Variants in GSTA3 observed in about 807,000 individuals in gnomAD.
The protein encoded by GSTA3 is glutathione S-transferase A3.
A neutral mutation model predicts 23.1 loss-of-function variants in GSTA3; 16 were observed. The observed-to-expected ratio is 0.69, with a 90% CI of 0.47 to 1.05. The LOEUF (loss-of-function observed/expected upper bound fraction) is 1.05. GSTA3 is among the 50% of genes least tolerant of loss of function. The probability of loss-of-function intolerance (pLI) is 0.00; values close to 1 mark genes in which losing one functional copy is unlikely to be tolerated. For missense variants in GSTA3, 319 were observed against 263.6 expected, an observed-to-expected ratio of 1.21 and a Z score of -1.46; for synonymous variants, 122 against 91.0, an observed-to-expected ratio of 1.34 and a Z score of -1.94.
At chr6:52,906,213 C>T (rs1372826985) in intron 1 of GSTA3, among the ~76,000 whole-genome samples, 1 of 152,172 alleles carries the variant, frequency 6.6e-6, no homozygotes, top group African/African-American at 2.4e-5. Context: ...CTCAAGAGTT[C>T]CCAAATTATT....
At chr6:52,903,847 C>A in intron 2 of GSTA3, 120 bp from the exon 3 acceptor site, 1 of 654,530 alleles carries the variant, frequency 1.5e-6, no homozygotes, top group East Asian at 2.8e-5. Context: ...CTGAGTTTGG[C>A]AGGGGACACA....
At chr6:52,897,100 T>C (rs2295605) in intron 6 of GSTA3, among the ~76,000 whole-genome samples, 172 bp from the exon 7 acceptor site, 28,191 of 152,210 alleles carry the variant, frequency 0.19, 3,439 homozygotes, top group Non-Finnish European at 0.26. Flanking sequence ...AGGAAGAACA[T>C]GTAGCTCACT....
intron 5 of GSTA3, among the ~76,000 whole-genome samples, chr6:52,898,759 A>T (rs945226938): frequency 3.3e-5 from 5 of 152,220 alleles, no homozygotes; most frequent in Non-Finnish European, 7.3e-5. Context: ...GTACTTCTAT[A>T]TAGAAGGGTG....
chr6:52,901,263 A>C (rs1268480524), intron 4 of GSTA3, among the ~76,000 whole-genome samples: 1 of 152,184 alleles, frequency 6.6e-6, no homozygotes, highest in Non-Finnish European at 1.5e-5. Flanking sequence ...ATCTGTACCC[A>C]TTGAGTATTC....
intron 1 of GSTA3, among the ~76,000 whole-genome samples, chr6:52,906,523 G>A (rs1180763849): frequency 6.6e-6 from 1 of 152,162 alleles, no homozygotes; most frequent in South Asian, 2.1e-4. Context: ...TAAGCCAAAA[G>A]AACAAAGCTG....
In GSTA3 at chr6:52,902,465, C is replaced by T. The variant is rs960603701; in HGVS notation, c.153G>A (p.Met51Ile). ...TCTCAACCATTGGTACTTGCTGGAACATCAAACTCCCATCTTTAGAAAGAA... is the reference window on the plus strand; with the variant it reads ...TCTCAACCATTGGTACTTGCTGGAATATCAAACTCCCATCTTTAGAAAGAA... ...LGKLRNDGSL[M>I]FQQVPMVEID... Residue 51 changes from methionine (M) to isoleucine (I), a missense_variant, in exon 4 of 7, where the codon ATG (methionine) becomes ATA (isoleucine). Coordinates refer to ENST00000211122, the MANE Select transcript of GSTA3 (RefSeq NM_000847.5). The T allele has an allele frequency of 5.0e-6, 8 of 1,609,166 alleles. No homozygotes were observed. The African/African-American group carries it at 9.4e-5, about 19-fold the overall frequency.
chr6:52,902,335 A>C lies in GSTA3; in HGVS notation c.272+11T>G. On this transcript the variant is annotated intron_variant, in intron 4 of 6. Transcript: ENST00000211122. ...TTCTCTGTGGATGGAAGAACACAAAATATACCGTACAGGGCTCTCTCCTTT... is the reference window on the plus strand; with the variant it reads ...TTCTCTGTGGATGGAAGAACACAAACTATACCGTACAGGGCTCTCTCCTTT... 1 of 1,612,570 alleles carries C rather than the reference A, an allele frequency of 6.2e-7. No individual in the cohort carries two copies. Among genetic ancestry groups the C allele is most frequent in the East Asian group, 2.2e-5 (1 of 44,874 alleles).
At position 52,897,833 on chromosome 6, in the gene GSTA3, G is replaced by A; in HGVS notation, c.538C>T (p.Leu180=). Residue 180 remains leucine (L), a synonymous_variant, in exon 6 of 7, where the codon CTG becomes TTG. Transcript: ENST00000211122. ...LDSSLISNFP[L]LKALKTRISN... ...GCTGTGAAATGGGTCACCTTCAGCA[G>A]AGGGAAGTTGGAGATAAGGCTGGAG... The A allele has an allele frequency of 6.2e-7, 1 of 1,613,714 alleles. No individual in the cohort carries two copies. Among genetic ancestry groups the A allele is most frequent in the Middle Eastern group, 1.7e-4 (1 of 6,060 alleles).
chr6:52,901,618 G>A (rs1490753368), intron 4 of GSTA3, among the ~76,000 whole-genome samples: 2 of 152,234 alleles, frequency 1.3e-5, no homozygotes, highest in African/African-American at 2.4e-5. Flanking sequence ...TGGTGTGGAA[G>A]TATTTTGATT....
rs1000948717 is a variant in GSTA3 at position 52,897,942 on chromosome 6, A to G, written c.429T>C (p.His143=). The G allele has an allele frequency of 4.3e-6, 7 of 1,613,924 alleles. No individual in the cohort carries two copies. The highest frequency in any genetic ancestry group is 5.1e-6 in the Non-Finnish European group (6 of 1,179,940). The part of the protein sequence containing the change: ...FPAFEKVLQS[H]GQDYLVGNKL... ...TGTTGCCAACAAGGTAGTCTTGTCC[A>G]TGGCTCTGTAACACCTGGAGAATTT... Residue 143 remains histidine (H), a synonymous_variant, in exon 6 of 7, where the codon CAT becomes CAC. Transcript: ENST00000211122.
rs558123985 is a variant in GSTA3, at chr6:52,896,967, G to T, written c.547-39C>A. On this transcript the variant is annotated intron_variant, in intron 6 of 6. Transcript: ENST00000211122. The stretch of plus-strand genomic sequence containing the variant: ...AGCACAGCCTCAGAGTGAAGCCAAG[G>T]TCTGCCACCACCATTAATACCACCC... 5.6e-6 allele frequency: 9 copies of T among 1,611,706 alleles called. No individual in the cohort carries two copies. In the South Asian group the frequency reaches 7.7e-5, roughly 14 times the overall value.
Position 52,896,731 on chromosome 6 carries a change from T to C in GSTA3, c.*75A>G. The stretch of plus-strand genomic sequence containing the variant: ...GCTTTACAACAGGCACAATCAACAC[T>C]TAAGTAAAGCACTTCATTGTTGCAA... On this transcript the variant is annotated 3_prime_UTR_variant, in exon 7 of 7. Coordinates refer to ENST00000211122, the MANE Select transcript of GSTA3 (RefSeq NM_000847.5). 1 of 1,556,374 alleles carries C rather than the reference T, an allele frequency of 6.4e-7. No homozygotes were observed. Among genetic ancestry groups the C allele is most frequent in the South Asian group, 1.1e-5 (1 of 87,886 alleles).
intron 1 of GSTA3, among the ~76,000 whole-genome samples, chr6:52,909,307 A>G (rs1478488100): frequency 6.6e-6 from 1 of 152,224 alleles, no homozygotes; most frequent in African/African-American, 2.4e-5. Context: ...AATCACACGA[A>G]TACATGTTTT....
intron 3 of GSTA3, among the ~76,000 whole-genome samples, chr6:52,903,335 C>T (rs899901795): frequency 6.6e-6 from 1 of 151,914 alleles, no homozygotes; most frequent in African/African-American, 2.4e-5. Context: ...CACCTGTAAT[C>T]CCAGCACTTT....
chr6:52,905,926 A>G (rs930033194), intron 1 of GSTA3, 71 bp from the exon 2 acceptor site: 5 of 694,110 alleles, frequency 7.2e-6, no homozygotes, highest in African/African-American at 1.8e-5. Flanking sequence ...ACGCTAGTAT[A>G]TGAATGGTTG....
Position 52,902,342 on chromosome 6 carries a change from G to C in GSTA3, c.272+4C>G. 1 of 1,613,422 alleles carries C rather than the reference G, an allele frequency of 6.2e-7. No individual in the cohort carries two copies. The highest frequency in any genetic ancestry group is 8.5e-7 in the Non-Finnish European group (1 of 1,179,640). On this transcript the variant is annotated splice_donor_region_variant and intron_variant, in intron 4 of 6. Transcript: ENST00000211122. ...TGGATGGAAGAACACAAAATATACC[G>C]TACAGGGCTCTCTCCTTTATGTCTT...
intron 6 of GSTA3, among the ~76,000 whole-genome samples, chr6:52,897,623 AG>A (rs566397158): frequency 2.0e-4 from 30 of 152,312 alleles, no homozygotes; most frequent in Non-Finnish European, 4.0e-4. Context: ...TTCATGGGGT[AG>A]CATGACCACA....
At chr6:52,905,214 C>G (rs1371340563) in intron 2 of GSTA3, among the ~76,000 whole-genome samples, 1 of 152,164 alleles carries the variant, frequency 6.6e-6, no homozygotes, top group Non-Finnish European at 1.5e-5. Context: ...GCAGTAATCA[C>G]CAACCCAAGC....
At chr6:52,897,293 G>A (rs1193712848) in intron 6 of GSTA3, among the ~76,000 whole-genome samples, 1 of 152,230 alleles carries the variant, frequency 6.6e-6, no homozygotes, top group African/African-American at 2.4e-5. Flanking sequence ...GAGTTGGAAA[G>A]GAAAATGTTA....
Sources: gnomAD v4.1 joint callset for allele counts (sites outside exome capture counted in the v4.1 genomes callset) on GRCh38, gnomAD v4.1.1 for gene constraint, MANE v1.5 for transcripts, NCBI Gene and HGNC (gene_info 2026-07-23, HGNC 2026-07-21) for gene names.